Variants in MYO16 observed in about 807,000 individuals in gnomAD.
MYO16 encodes the protein unconventional myosin-XVI.
MYO16 carries 94 observed loss-of-function variants against 205.3 expected under a neutral mutation model. That is an observed-to-expected ratio of 0.46 (90% CI 0.39 to 0.54). The LOEUF (loss-of-function observed/expected upper bound fraction) is 0.54. MYO16 is among the 20% of genes least tolerant of loss of function. The pLI is 0.00. For missense variants in MYO16, 2,315 were observed against 2,387.5 expected (o/e 0.97, Z 0.63); for synonymous variants, 988 against 954.0 (o/e 1.04, Z -0.66).
chr13:109,006,821 C>T (rs1885401948), intron 21 of MYO16, among the ~76,000 whole-genome samples: 1 of 152,034 alleles, frequency 6.6e-6, no homozygotes, highest in African/African-American at 2.4e-5. Context: ...TGAGTAAGCT[C>T]ACAAAAGAAG....
At chr13:108,829,197 T>C (rs1240209464) in intron 9 of MYO16, among the ~76,000 whole-genome samples, 1 of 152,208 alleles carries the variant, frequency 6.6e-6, no homozygotes, top group Non-Finnish European at 1.5e-5. Flanking sequence ...CTGCAGGACA[T>C]CAGAGTTTGA....
chr13:108,773,202 T>C (rs572913440), intron 4 of MYO16, among the ~76,000 whole-genome samples: 1 of 152,210 alleles, frequency 6.6e-6, no homozygotes, highest in African/African-American at 2.4e-5. Flanking sequence ...TCTGACATCA[T>C]AATCCTGGAA....
At chr13:109,116,168 A>T (rs768164721) in intron 28 of MYO16, among the ~76,000 whole-genome samples, 6 of 152,216 alleles carry the variant, frequency 3.9e-5, no homozygotes, top group Non-Finnish European at 7.3e-5. Flanking sequence ...ATGTAATAGC[A>T]GCAAGCACAA....
chr13:108,993,896 A>G (rs1226129943), intron 21 of MYO16, among the ~76,000 whole-genome samples: 1 of 152,088 alleles, frequency 6.6e-6, no homozygotes, highest in Non-Finnish European at 1.5e-5. Context: ...CATGTCTGCA[A>G]TGAGAGTCAC....
At chr13:108,840,896 T>C (rs1025055129) in intron 9 of MYO16, among the ~76,000 whole-genome samples, 2 of 152,206 alleles carry the variant, frequency 1.3e-5, no homozygotes, top group African/African-American at 4.8e-5. Flanking sequence ...TGAAGGAAAT[T>C]GACAAAGATC....
At chr13:108,832,093 G>A (rs976038394) in intron 9 of MYO16, among the ~76,000 whole-genome samples, 1 of 150,326 alleles carries the variant, frequency 6.7e-6, no homozygotes, top group Non-Finnish European at 1.5e-5. Flanking sequence ...TTTAGAAGTT[G>A]TGGAAATGAT....
At chr13:108,910,269 TGGA>T in intron 16 of MYO16, 119 bp downstream of exon 16, 3 of 1,133,306 alleles carry the variant, frequency 2.6e-6, no homozygotes, top group Non-Finnish European at 3.8e-6. Context: ...AGATAACTGT[TGGA>T]TACTGTTAGG....
chr13:108,849,616 CTTTTGTGTGTGTGTGTGT>C (rs1198749366), intron 10 of MYO16, among the ~76,000 whole-genome samples: 1 of 77,822 alleles, frequency 1.3e-5, no homozygotes, highest in Non-Finnish European at 2.5e-5. Flanking sequence ...TGAATTTCCT[CTTTTGTGTGTGTGTGTGT>C]GTGTGTGTGT....
chr13:108,610,822 G>T (rs912479794), intron 1 of MYO16, among the ~76,000 whole-genome samples: 4 of 152,096 alleles, frequency 2.6e-5, no homozygotes, highest in Admixed American at 6.6e-5. Flanking sequence ...ATTGCAGAAT[G>T]GTTGAAAAGA....
At chr13:109,187,669 C>T (rs369007304) in intron 34 of MYO16, among the ~76,000 whole-genome samples, 1 of 152,128 alleles carries the variant, frequency 6.6e-6, no homozygotes, top group Non-Finnish European at 1.5e-5. Context: ...TTCCAGGTAC[C>T]TTTCTGCTGC....
At chr13:109,042,215 T>C (rs1031609614) in intron 23 of MYO16, among the ~76,000 whole-genome samples, 1 of 152,232 alleles carries the variant, frequency 6.6e-6, no homozygotes, top group Non-Finnish European at 1.5e-5. Flanking sequence ...TCAAGGAAAG[T>C]ATCACGGTTA....
At position 108,823,204 on chromosome 13, in the gene MYO16, A is replaced by G. The variant is rs1023371521; in HGVS notation, c.1023A>G (p.Leu341=). The G allele has an allele frequency of 5.6e-6, 9 of 1,613,370 alleles. No individual in the cohort carries two copies. Among genetic ancestry groups the G allele is most frequent in the Non-Finnish European group, 7.6e-6 (9 of 1,179,550 alleles). The part of the protein sequence containing the change: ...IAWEEKMKEP[L]SASTLAQEEP... The stretch of plus-strand genomic sequence containing the variant: ...GGGAAGAAAAAATGAAAGAGCCTTT[A>G]TCTGCTTCTACCTTAGCTCAAGAAG... The change falls in exon 9 of 35, where the codon TTA becomes TTG. Residue 341 remains leucine (L), a synonymous_variant. Coordinates refer to ENST00000457511, the MANE Select transcript of MYO16 (RefSeq NM_001198950.3).
At chr13:108,510,614 C>T in the MYO16 span, among the ~76,000 whole-genome samples, 1 of 56,806 alleles carries the variant, frequency 1.8e-5, no homozygotes, top group Non-Finnish European at 3.3e-5. Context: ...CCAATGCTAT[C>T]CCTCCCCCCT....
chr13:109,140,176 C>T lies in MYO16; in HGVS notation c.4052-88C>T, dbSNP rs943064542. 24 of 1,540,432 alleles carry T rather than the reference C, an allele frequency of 1.6e-5. No individual in the cohort carries two copies. In the Admixed American group the frequency reaches 1.9e-4, roughly 12 times the overall value. On this transcript the variant is annotated intron_variant, in intron 31 of 34. Coordinates refer to ENST00000457511, the MANE Select transcript of MYO16 (RefSeq NM_001198950.3). This position sits in a 1 kb window ranked among gnomAD's most constrained non-coding sequence, Gnocchi z 8.0. ...CCTTGGGATTCTCGGGGCACGGGGCCGTGGCTCCCTCCGAGTCGAGCCCCG... is the reference window on the plus strand; with the variant it reads ...CCTTGGGATTCTCGGGGCACGGGGCTGTGGCTCCCTCCGAGTCGAGCCCCG...
At chr13:109,025,605 T>G (rs9583328) in intron 23 of MYO16, among the ~76,000 whole-genome samples, 2,568 of 152,222 alleles carry the variant, frequency 0.017, 74 homozygotes, top group African/African-American at 0.059. Context: ...TATAGGGGCT[T>G]CTCTTAAAAG....
At chr13:108,782,103 T>C (rs1886322493) in intron 4 of MYO16, among the ~76,000 whole-genome samples, 1 of 152,108 alleles carries the variant, frequency 6.6e-6, no homozygotes, top group Non-Finnish European at 1.5e-5. Context: ...CAGGCAGAGG[T>C]TGGAGCAATT....
intron 16 of MYO16, among the ~76,000 whole-genome samples, chr13:108,922,460 CA>C (rs888391140): frequency 9.9e-5 from 15 of 151,898 alleles, no homozygotes; most frequent in South Asian, 6.2e-4. Flanking sequence ...TTCCCTGGTA[CA>C]AAAAAAATTC....
chr13:109,060,322 A>C (rs138388339), intron 27 of MYO16, among the ~76,000 whole-genome samples: 4 of 152,114 alleles, frequency 2.6e-5, no homozygotes, highest in African/African-American at 9.7e-5. Context: ...GAATGAGCTC[A>C]TGTCCTTTGC....
chr13:108,616,029 C>G (rs945251792), intron 1 of MYO16, among the ~76,000 whole-genome samples: 3 of 152,182 alleles, frequency 2.0e-5, no homozygotes. Context: ...TGCATAAACA[C>G]TTTGATTTGG....
Sources: allele counts gnomAD v4.1 joint callset (sites outside exome capture counted in the v4.1 genomes callset), GRCh38; gene constraint gnomAD v4.1.1; non-coding constraint Gnocchi (gnomAD v3.1); transcripts MANE v1.5; gene names NCBI Gene and HGNC (gene_info 2026-07-23, HGNC 2026-07-21).